MYPN: variants seen among roughly 807,000 people sequenced by gnomAD.
MYPN encodes sarcomeric protein myopalladin, 145 kDa (MYOP).
A neutral mutation model predicts 129.4 loss-of-function variants in MYPN; 63 were observed. The observed-to-expected ratio is 0.49, with a 90% CI of 0.40 to 0.60. MYPN has a LOEUF of 0.60. Among genes scored for constraint, MYPN ranks in the 20% least tolerant of loss-of-function variants. The pLI is 0.00. For missense variants in MYPN, 1,596 were observed against 1,635.4 expected (o/e 0.98, Z 0.42); for synonymous variants, 629 against 600.9 (o/e 1.05, Z -0.68).
upstream of MYPN, among the ~76,000 whole-genome samples, chr10:68,105,616 C>T (rs2042005913): frequency 6.6e-6 from 1 of 152,054 alleles, no homozygotes; most frequent in African/African-American, 2.4e-5. Flanking sequence ...ACCAAAAGAA[C>T]AAGTAAAGGA....
intron 2 of MYPN, among the ~76,000 whole-genome samples, chr10:68,141,073 AC>A (rs545817157): frequency 6.6e-6 from 1 of 150,652 alleles, no homozygotes; most frequent in Non-Finnish European, 1.5e-5. Context: ...TTCCTCCACC[AC>A]CCCCCCAAAA....
At chr10:68,182,284 TATATATATAACATATATATAACACACAC>T (rs1185979463) in intron 12 of MYPN, among the ~76,000 whole-genome samples, 2,910 of 101,246 alleles carry the variant, frequency 0.029, 232 homozygotes, top group African/African-American at 0.096. Context: ...ATAACACACA[TATATATATAACATATATATAACACACAC>T]ATATATATAA....
upstream of MYPN, chr10:68,106,498 A>T (rs1434330544): frequency 3.5e-6 from 2 of 576,052 alleles, no homozygotes; most frequent in Non-Finnish European, 3.1e-6. Flanking sequence ...AAAAATGGCT[A>T]AAAAATACAT....
chr10:68,165,233 A>G (rs529667036), intron 8 of MYPN, among the ~76,000 whole-genome samples: 5 of 152,302 alleles, frequency 3.3e-5, no homozygotes, highest in African/African-American at 1.2e-4. Context: ...CGGGCAGATC[A>G]CCTGAGGTCA....
intron 12 of MYPN, among the ~76,000 whole-genome samples, chr10:68,184,091 T>C (rs899970745): frequency 1.3e-5 from 2 of 152,196 alleles, no homozygotes; most frequent in African/African-American, 4.8e-5. Context: ...TTACTCCCTT[T>C]ATTTTATTCT....
chr10:68,135,026 A>G (rs1256601652), intron 2 of MYPN, among the ~76,000 whole-genome samples: 3 of 152,046 alleles, frequency 2.0e-5, no homozygotes, highest in African/African-American at 7.2e-5. Context: ...ATCTTGGCTC[A>G]CTGCAACCTT....
chr10:68,165,831 T>C lies in MYPN; in HGVS notation c.1600+13T>C. The C allele has an allele frequency of 1.3e-6, 2 of 1,594,692 alleles. No individual in the cohort carries two copies. The highest frequency in any genetic ancestry group is 1.7e-6 in the Non-Finnish European group (2 of 1,162,290). ...CTGCACGTGAGAGGTAAGGACTCTT[T>C]AATGCTAGAACAGTTTAGCCTATGA... On this transcript the variant is annotated intron_variant, in intron 9 of 19. Coordinates refer to ENST00000358913, the MANE Select transcript of MYPN (RefSeq NM_032578.4).
chr10:68,203,423 TA>T (rs201610459), intron 18 of MYPN, among the ~76,000 whole-genome samples: 1,573 of 145,782 alleles, frequency 0.011, 32 homozygotes, highest in African/African-American at 0.036. Flanking sequence ...ACCCCATCTC[TA>T]AAAAAAAAAA....
intron 1 of MYPN, among the ~76,000 whole-genome samples, chr10:68,112,987 A>T (rs1346555317): frequency 6.6e-6 from 1 of 152,200 alleles, no homozygotes; most frequent in African/African-American, 2.4e-5. Context: ...AAAAGAACTG[A>T]CTTAGATACT....
rs374925112 is a variant in MYPN, at chr10:68,141,097, G to A, written c.903-1843G>A. Among the ~76,000 whole-genome samples the A allele has an allele frequency of 1.8e-3, 280 of 152,198 alleles. 1 individual carries two copies. The highest frequency in any genetic ancestry group is 3.0e-3 in the Non-Finnish European group (202 of 67,994). ...CACCCCCCCAAAAAAAGGGCCAGGCGCAGTGGCTCATGCCTGTAATCCCAG... is the reference window on the plus strand; with the variant it reads ...CACCCCCCCAAAAAAAGGGCCAGGCACAGTGGCTCATGCCTGTAATCCCAG... On this transcript the variant is annotated intron_variant, in intron 2 of 19. Coordinates refer to ENST00000358913, the MANE Select transcript of MYPN (RefSeq NM_032578.4).
At chr10:68,161,346 A>G (rs1218657033) in intron 7 of MYPN, among the ~76,000 whole-genome samples, 2 of 152,056 alleles carry the variant, frequency 1.3e-5, no homozygotes, top group Non-Finnish European at 2.9e-5. Flanking sequence ...AAATACAAAA[A>G]TTAGCCAGGC....
At chr10:68,158,262 G>A (rs2042914755) in intron 6 of MYPN, 1 of 532,376 alleles carries the variant, frequency 1.9e-6, no homozygotes, top group Non-Finnish European at 3.3e-6. Flanking sequence ...CCAATCTTAG[G>A]TCAAGGGCAT....
intron 4 of MYPN, among the ~76,000 whole-genome samples, chr10:68,145,994 T>C (rs2042660432): frequency 1.3e-5 from 2 of 152,216 alleles, no homozygotes; most frequent in South Asian, 2.1e-4. Context: ...TTCTCTCTTT[T>C]ATAGTGTCCA....
intron 6 of MYPN, among the ~76,000 whole-genome samples, chr10:68,150,862 C>A (rs1313392603): frequency 6.6e-6 from 1 of 152,152 alleles, no homozygotes; most frequent in Non-Finnish European, 1.5e-5. Context: ...AACATCTATG[C>A]CTGGATTTAT....
intron 10 of MYPN, among the ~76,000 whole-genome samples, chr10:68,169,181 T>TAAAAAAA (rs59317396): frequency 4.4e-5 from 4 of 91,070 alleles, no homozygotes; most frequent in African/African-American, 2.7e-4. Context: ...CCGTCTCTAC[T>TAAAAAAA]AAAAAAAAAA....
intron 16 of MYPN, among the ~76,000 whole-genome samples, chr10:68,198,570 C>T (rs916732473): frequency 6.7e-4 from 102 of 152,076 alleles, no homozygotes; most frequent in African/African-American, 2.2e-3. Flanking sequence ...AAATAATATT[C>T]GGATTGATTG....
At position 68,165,836 on chromosome 10, in the gene MYPN, C is replaced by G; in HGVS notation, c.1600+18C>G. ...CGTGAGAGGTAAGGACTCTTTAATG[C>G]TAGAACAGTTTAGCCTATGACTTTG... On this transcript the variant is annotated intron_variant, in intron 9 of 19. Coordinates refer to ENST00000358913, the MANE Select transcript of MYPN (RefSeq NM_032578.4). 2 of 1,584,202 alleles carry G rather than the reference C, an allele frequency of 1.3e-6. No individual in the cohort carries two copies. The highest frequency in any genetic ancestry group is 2.2e-5 in the East Asian group (1 of 44,748).
At chr10:68,193,202 T>C (rs2134273032) in intron 13 of MYPN, among the ~76,000 whole-genome samples, 1 of 152,102 alleles carries the variant, frequency 6.6e-6, no homozygotes, top group South Asian at 2.1e-4. Context: ...CAGATTCTAG[T>C]GAAGTGTCTA....
At chr10:68,088,062 T>C (rs1023554302) in intron 1 of MYPN, among the ~76,000 whole-genome samples, 7 of 152,144 alleles carry the variant, frequency 4.6e-5, no homozygotes, top group African/African-American at 1.2e-4. Context: ...GTCCAGATAA[T>C]TGAAATATTT....
Sources: gnomAD v4.1 joint callset for allele counts (sites outside exome capture counted in the v4.1 genomes callset) on GRCh38, gnomAD v4.1.1 for gene constraint, MANE v1.5 for transcripts, NCBI Gene and HGNC (gene_info 2026-07-23, HGNC 2026-07-21) for gene names.